Variants in USP24 observed in about 807,000 individuals in gnomAD.
USP24 encodes the protein ubiquitin specific peptidase 24, also known as ubiquitin carboxyl-terminal hydrolase 24.
USP24 carries 97 observed loss-of-function variants against 361.6 expected under a neutral mutation model. The ratio of observed to expected loss-of-function variants is 0.27; its 90% confidence interval spans 0.23 to 0.32. The LOEUF (loss-of-function observed/expected upper bound fraction) is 0.32. USP24 is among the 10% of genes least tolerant of loss of function. The pLI is 1.00. For synonymous variants in USP24, 1,098 were observed against 1,124.6 expected (o/e 0.98, Z 0.47); for missense variants, 2,353 against 3,165.6 (o/e 0.74, Z 6.16).
At position 55,177,870 on chromosome 1, in the gene USP24, C is replaced by T. The variant is rs150631672; in HGVS notation, c.490+97G>A. ...AAGACTAAGAGAATAAATGATCTGTCCAATAACACACAGCTAGGCAACAAC... is the reference window on the plus strand; with the variant it reads ...AAGACTAAGAGAATAAATGATCTGTTCAATAACACACAGCTAGGCAACAAC... On this transcript the variant is annotated intron_variant, in intron 2 of 67. Transcript: ENST00000294383. 8.2e-4 allele frequency: 961 copies of T among 1,166,334 alleles called. 6 individuals carry two copies. The African/African-American group carries it at 0.013, about 16-fold the overall frequency. The allele number at this position is 1,166,334 out of a possible 1,614,324, so 72.2% of individuals were successfully genotyped here. A position where few individuals can be genotyped will look rare whatever the true frequency, so the allele number is the denominator to read the frequency against.
intron 25 of USP24, 65 bp downstream of exon 25, chr1:55,138,879 G>A (rs1646810854): frequency 6.5e-7 from 1 of 1,527,484 alleles, no homozygotes; most frequent in Admixed American, 1.8e-5. Context: ...TAGAAAGGCT[G>A]AGGTGGGAAG....
intron 45 of USP24, among the ~76,000 whole-genome samples, 194 bp from the exon 46 acceptor site, chr1:55,098,752 G>A (rs1193225886): frequency 2.0e-5 from 3 of 152,218 alleles, no homozygotes; most frequent in Non-Finnish European, 4.4e-5. Context: ...AGAGGAAGAG[G>A]AGGAGGGATG....
At chr1:55,184,214 G>A (rs1001972528) in intron 1 of USP24, among the ~76,000 whole-genome samples, 3 of 151,942 alleles carry the variant, frequency 2.0e-5, no homozygotes, top group Non-Finnish European at 2.9e-5. Context: ...ACACCACCAC[G>A]TCTGGCTAAT....
At chr1:55,178,676 A>AAAATAAAT (rs71580807) in intron 1 of USP24, among the ~76,000 whole-genome samples, 58 of 127,046 alleles carry the variant, frequency 4.6e-4, no homozygotes, top group South Asian at 2.5e-3. Flanking sequence ...ACTCCGTCTC[A>AAAATAAAT]AAATAAATAA....
intron 6 of USP24, 80 bp downstream of exon 6, chr1:55,166,488 G>T: frequency 7.7e-7 from 1 of 1,293,316 alleles, no homozygotes; most frequent in Non-Finnish European, 1.1e-6. Context: ...GCTGCCATTT[G>T]CTTAATATAC....
chr1:55,085,781 G>C (rs768656547), intron 56 of USP24, among the ~76,000 whole-genome samples, 161 bp downstream of exon 56: 40 of 152,220 alleles, frequency 2.6e-4, no homozygotes, highest in Non-Finnish European at 5.6e-4. Context: ...GGAAGGGACA[G>C]AATGCCTTCT....
intron 3 of USP24, among the ~76,000 whole-genome samples, chr1:55,174,151 A>G (rs1436297227): frequency 6.6e-6 from 1 of 152,242 alleles, no homozygotes; most frequent in Non-Finnish European, 1.5e-5. Context: ...ATGACAACAA[A>G]GCTCCTTTGT....
chr1:55,143,426 G>A (rs1399626970), intron 21 of USP24, among the ~76,000 whole-genome samples: 1 of 152,172 alleles, frequency 6.6e-6, no homozygotes, highest in Non-Finnish European at 1.5e-5. Context: ...TAGAGCAGGA[G>A]TGAGATGGGC....
At chr1:55,213,816 T>C (rs1387350907) in intron 1 of USP24, among the ~76,000 whole-genome samples, 2 of 152,068 alleles carry the variant, frequency 1.3e-5, no homozygotes, top group African/African-American at 4.8e-5. Context: ...TAAACAGGCA[T>C]AGTCTTCTCC....
At chr1:55,122,041 G>A (rs1395903026) in intron 36 of USP24, among the ~76,000 whole-genome samples, 1 of 152,144 alleles carries the variant, frequency 6.6e-6, no homozygotes, top group African/African-American at 2.4e-5. Context: ...TTGGGGGCTG[G>A]AGATTCATCA....
intron 42 of USP24, among the ~76,000 whole-genome samples, chr1:55,102,797 A>T (rs1309920417): frequency 3.3e-5 from 5 of 152,234 alleles, no homozygotes; most frequent in Non-Finnish European, 7.3e-5. Context: ...AAAACATAAG[A>T]AGTTCATTTA....
intron 67 of USP24, chr1:55,071,086 TC>T: frequency 1.0e-6 from 1 of 964,684 alleles, no homozygotes; most frequent in Non-Finnish European, 1.2e-6. Context: ...GACAGCTGCC[TC>T]ACATAGTGCT....
At chr1:55,173,147 T>C (rs924080023) in intron 3 of USP24, among the ~76,000 whole-genome samples, 1 of 152,180 alleles carries the variant, frequency 6.6e-6, no homozygotes, top group African/African-American at 2.4e-5. Flanking sequence ...AATTTTTTTC[T>C]ACCTGTTGAC....
chr1:55,195,757 CA>C (rs1553171498), intron 1 of USP24, among the ~76,000 whole-genome samples: 2 of 152,050 alleles, frequency 1.3e-5, no homozygotes, highest in Non-Finnish European at 2.9e-5. Context: ...AGCTCAGAAA[CA>C]GAAAGTAAAG....
chr1:55,158,535 TAGA>T (rs1647930658), intron 10 of USP24, among the ~76,000 whole-genome samples: 1 of 152,170 alleles, frequency 6.6e-6, no homozygotes, highest in African/African-American at 2.4e-5. Flanking sequence ...CAACCCCAGT[TAGA>T]AGATTTGGTT....
intron 65 of USP24, 52 bp downstream of exon 65, chr1:55,072,734 G>C: frequency 2.7e-6 from 4 of 1,499,200 alleles, no homozygotes; most frequent in Non-Finnish European, 1.8e-6. Flanking sequence ...CTGACAAGAT[G>C]TGCTATTATT....
At chr1:55,156,105 T>C (rs1647629564) in intron 12 of USP24, among the ~76,000 whole-genome samples, 1 of 152,146 alleles carries the variant, frequency 6.6e-6, no homozygotes, top group Non-Finnish European at 1.5e-5. Flanking sequence ...GCTCCAGGTT[T>C]TTCTCTGGCT....
chr1:55,100,287 G>A (rs974860460), intron 44 of USP24, among the ~76,000 whole-genome samples: 2 of 152,064 alleles, frequency 1.3e-5, no homozygotes, highest in Admixed American at 6.6e-5. Context: ...ACCTGAGGTC[G>A]GGAGTTCAAG....
intron 6 of USP24, 56 bp downstream of exon 6, chr1:55,166,512 G>A (rs1648881107): frequency 4.7e-6 from 7 of 1,476,776 alleles, no homozygotes; most frequent in South Asian, 1.3e-5. Context: ...ACTCTAGGAC[G>A]TCTCATTAGA....
Sources: allele counts gnomAD v4.1 joint callset (sites outside exome capture counted in the v4.1 genomes callset), GRCh38; gene constraint gnomAD v4.1.1; transcripts MANE v1.5; gene names NCBI Gene and HGNC (gene_info 2026-07-23, HGNC 2026-07-21).